Variants in EXOC6B observed in about 807,000 individuals in gnomAD.
EXOC6B encodes the protein SEC15 homolog B.
Under a neutral mutation model 113.5 loss-of-function variants are expected in EXOC6B, and 54 were observed. The ratio of observed to expected loss-of-function variants is 0.48; its 90% CI spans 0.38 to 0.60. The LOEUF is 0.60. Ranked by LOEUF, EXOC6B falls within the 20% of genes least tolerant of loss-of-function variation. The probability of loss-of-function intolerance (pLI) is 0.00; values close to 1 mark genes in which losing one functional copy is unlikely to be tolerated. For synonymous variants in EXOC6B, 357 were observed against 339.0 expected, an observed-to-expected ratio of 1.05 and a Z score of -0.58; for missense variants, 797 against 977.5, an observed-to-expected ratio of 0.82 and a Z score of 2.46.
At chr2:72,185,430 G>C (rs1474305273) in intron 20 of EXOC6B, among the ~76,000 whole-genome samples, 1 of 152,244 alleles carries the variant, frequency 6.6e-6, no homozygotes. Context: ...TAGAATAGCT[G>C]TTATGAACTT....
At chr2:72,220,479 C>T (rs1573022972) in intron 20 of EXOC6B, among the ~76,000 whole-genome samples, 1 of 152,280 alleles carries the variant, frequency 6.6e-6, no homozygotes, top group Admixed American at 6.5e-5. Flanking sequence ...GCACTCTGAC[C>T]TCCAAGAAAA....
At chr2:72,649,155 A>C (rs1010914824) in intron 6 of EXOC6B, among the ~76,000 whole-genome samples, 13 of 152,262 alleles carry the variant, frequency 8.5e-5, no homozygotes, top group African/African-American at 2.9e-4. Context: ...AAAGAAAAAA[A>C]TAAAATTGAA....
chr2:72,495,989 C>A (rs1407294278), intron 14 of EXOC6B, among the ~76,000 whole-genome samples: 1 of 151,828 alleles, frequency 6.6e-6, no homozygotes, highest in Non-Finnish European at 1.5e-5. Flanking sequence ...AAAGGGGCAT[C>A]ATTAAATAAT....
At chr2:72,481,758 T>C (rs1699112974) in intron 16 of EXOC6B, among the ~76,000 whole-genome samples, 1 of 152,188 alleles carries the variant, frequency 6.6e-6, no homozygotes, top group Non-Finnish European at 1.5e-5. Context: ...GAGGATTAAA[T>C]ATTCTGTTGT....
At chr2:72,697,451 C>G (rs1677976631) in intron 6 of EXOC6B, among the ~76,000 whole-genome samples, 2 of 151,926 alleles carry the variant, frequency 1.3e-5, no homozygotes, top group Admixed American at 6.6e-5. Flanking sequence ...TTTTGGAAGC[C>G]AAGGTAGGCA....
At chr2:72,575,722 G>C (rs1704804945) in intron 6 of EXOC6B, 54 bp from the exon 7 acceptor site, 5 of 1,372,014 alleles carry the variant, frequency 3.6e-6, no homozygotes, top group South Asian at 1.9e-5. Context: ...GTTAGGGAGA[G>C]AGAAAGAAAG....
intron 19 of EXOC6B, among the ~76,000 whole-genome samples, chr2:72,353,445 C>T (rs1558584240): frequency 6.7e-6 from 1 of 149,756 alleles, no homozygotes; most frequent in African/African-American, 2.5e-5. Flanking sequence ...CATCTCGGCT[C>T]ACTGCAACCT....
At chr2:72,249,400 G>A (rs895747312) in intron 20 of EXOC6B, among the ~76,000 whole-genome samples, 2 of 151,322 alleles carry the variant, frequency 1.3e-5, no homozygotes, top group South Asian at 2.1e-4. Context: ...GACTATAGGC[G>A]CCCGCCACTA....
chr2:72,428,379 G>C (rs1368834783), intron 18 of EXOC6B, among the ~76,000 whole-genome samples: 1 of 152,174 alleles, frequency 6.6e-6, no homozygotes, highest in African/African-American at 2.4e-5. Flanking sequence ...CAAGCTTCTG[G>C]GTGCCACCAC....
intron 18 of EXOC6B, among the ~76,000 whole-genome samples, chr2:72,403,858 G>A (rs753763088): frequency 6.6e-6 from 1 of 152,182 alleles, no homozygotes. Flanking sequence ...GTCAGACAGA[G>A]GGTGCAGGAC....
At chr2:72,186,657 A>C (rs1352010042) in intron 20 of EXOC6B, among the ~76,000 whole-genome samples, 2 of 152,230 alleles carry the variant, frequency 1.3e-5, no homozygotes, top group African/African-American at 4.8e-5. Flanking sequence ...TTTAGATATT[A>C]CTTTTTCAGC....
intron 20 of EXOC6B, among the ~76,000 whole-genome samples, chr2:72,241,154 C>A (rs111486265): frequency 6.6e-6 from 1 of 151,826 alleles, no homozygotes; most frequent in Non-Finnish European, 1.5e-5. Flanking sequence ...ACATGGGTAA[C>A]GTAAGAAGAA....
chr2:72,484,725 T>A (rs1307953901), intron 16 of EXOC6B, among the ~76,000 whole-genome samples: 1 of 152,144 alleles, frequency 6.6e-6, no homozygotes. Context: ...CGTGTGTTAG[T>A]TTGCTGAGGA....
chr2:72,387,890 C>T (rs1692145827), intron 18 of EXOC6B, among the ~76,000 whole-genome samples: 1 of 151,716 alleles, frequency 6.6e-6, no homozygotes, highest in Admixed American at 6.6e-5. Context: ...CTTTTTTTAG[C>T]TTCATAAGAC....
intron 13 of EXOC6B, among the ~76,000 whole-genome samples, chr2:72,497,199 C>T (rs1240029005): frequency 6.6e-6 from 1 of 151,896 alleles, no homozygotes; most frequent in Non-Finnish European, 1.5e-5. Context: ...GTCTCAAACT[C>T]CTGCCCTCAA....
chr2:72,397,162 CTTCCTTCT>C (rs1157861619), intron 18 of EXOC6B, among the ~76,000 whole-genome samples: 1 of 152,150 alleles, frequency 6.6e-6, no homozygotes, highest in Non-Finnish European at 1.5e-5. Flanking sequence ...TCTTTCTCCT[CTTCCTTCT>C]TTCCTTCTTC....
chr2:72,188,712 T>C (rs1678609968), intron 20 of EXOC6B, among the ~76,000 whole-genome samples: 1 of 152,224 alleles, frequency 6.6e-6, no homozygotes, highest in Admixed American at 6.5e-5. Flanking sequence ...CTATAAATTC[T>C]CCTGCAAGGA....
intron 6 of EXOC6B, among the ~76,000 whole-genome samples, chr2:72,608,995 A>C (rs1335556323): frequency 6.6e-6 from 1 of 152,142 alleles, no homozygotes; most frequent in Non-Finnish European, 1.5e-5. Context: ...AGTGTAGGGG[A>C]CTGGAATCTA....
At chr2:72,326,826 T>C (rs549953992) in intron 20 of EXOC6B, among the ~76,000 whole-genome samples, 4 of 152,068 alleles carry the variant, frequency 2.6e-5, no homozygotes, top group Admixed American at 2.6e-4. Context: ...TAATATACTC[T>C]GGTGGAACCT....
Sources: allele counts gnomAD v4.1 joint callset (sites outside exome capture counted in the v4.1 genomes callset), GRCh38; gene constraint gnomAD v4.1.1; transcripts MANE v1.5; gene names NCBI Gene and HGNC (gene_info 2026-07-23, HGNC 2026-07-21).